The following YPEL2 variants were observed in gnomAD, a reference collection of about 807,000 sequenced individuals.
YPEL2 encodes yippee like 2, also known as protein yippee-like 2.
Under a neutral mutation model 19.1 loss-of-function variants are expected in YPEL2, and 2 were observed. That is an observed-to-expected ratio of 0.10 (90% CI 0.04 to 0.33). The LOEUF (loss-of-function observed/expected upper bound fraction) is 0.33. YPEL2 is among the 10% of genes least tolerant of loss of function. The pLI, the probability that YPEL2 is intolerant of heterozygous loss-of-function variation, is 1.00. For synonymous variants in YPEL2, 52 were observed against 50.0 expected (o/e 1.04, Z -0.17); for missense variants, 66 against 140.7 (o/e 0.47, Z 2.68).
rs559551302 is a variant in YPEL2 at position 59,397,736 on chromosome 17, C to T, written c.*546C>T. The T allele has an allele frequency of 6.6e-6, 1 of 152,386 alleles. No homozygotes were observed. The highest frequency in any genetic ancestry group is 1.5e-5 in the Non-Finnish European group (1 of 68,072). The allele number at this position is 152,386 out of a possible 1,614,324, so 9.4% of individuals were successfully genotyped here. On this transcript the variant is annotated 3_prime_UTR_variant, in exon 5 of 5. Coordinates refer to ENST00000312655, the MANE Select transcript of YPEL2 (RefSeq NM_001005404.4). ...TACCTCATGACTGCATTCTCTCTGA[C>T]TAGAAGCTTCTGTTCCTGACACCAA... is the stretch of plus-strand genomic sequence containing the variant.
intron 2 of YPEL2, among the ~76,000 whole-genome samples, chr17:59,365,915 G>A (rs2047866427): frequency 6.6e-6 from 1 of 152,134 alleles, no homozygotes; most frequent in Non-Finnish European, 1.5e-5. Context: ...CTACAGTGAT[G>A]TCAAGAGGTG....
chr17:59,401,544 T>C lies in YPEL2; in HGVS notation c.*4354T>C, dbSNP rs2048071261. 1 of 152,646 alleles carries C rather than the reference T, an allele frequency of 6.6e-6. No individual in the cohort carries two copies. 9.5% of individuals were successfully genotyped at this position (152,646 alleles called of 1,614,324 possible). The stretch of plus-strand genomic sequence containing the variant: ...ATTTGTTGGGTTTGGGTTTTTGTTT[T>C]CTTTGGTGGCATTTTTCAGGTCACT... On this transcript the variant is annotated 3_prime_UTR_variant, in exon 5 of 5. Transcript: ENST00000312655.
intron 1 of YPEL2, among the ~76,000 whole-genome samples, chr17:59,332,466 C>T (rs1035200192): frequency 3.3e-5 from 5 of 152,182 alleles, no homozygotes. Flanking sequence ...AGGTCCTGCC[C>T]GACGGAACGC....
rs1348037359 is a variant in YPEL2, at chr17:59,398,151, T to G, written c.*961T>G. On this transcript the variant is annotated 3_prime_UTR_variant, in exon 5 of 5. Coordinates refer to ENST00000312655, the MANE Select transcript of YPEL2 (RefSeq NM_001005404.4). ...AGTAGGATCAGTTAGCAATTCTAAC[T>G]GCCCTTCCTTCTGACCCCTCATAAG... The G allele has an allele frequency of 6.6e-6, 1 of 152,212 alleles. No homozygotes were observed. The highest frequency in any genetic ancestry group is 1.5e-5 in the Non-Finnish European group (1 of 68,038). 9.4% of individuals were successfully genotyped at this position (152,212 alleles called of 1,614,324 possible). A position where few individuals can be genotyped will look rare whatever the true frequency, so the allele number is the denominator to read the frequency against.
chr17:59,347,487 G>T (rs1419148468), intron 1 of YPEL2, among the ~76,000 whole-genome samples: 1 of 152,144 alleles, frequency 6.6e-6, no homozygotes, highest in African/African-American at 2.4e-5. Flanking sequence ...GAGTGATGAC[G>T]TGGTCAGATC....
intron 2 of YPEL2, among the ~76,000 whole-genome samples, chr17:59,373,550 G>T (rs2047906743): frequency 6.6e-6 from 1 of 152,186 alleles, no homozygotes; most frequent in Non-Finnish European, 1.5e-5. Context: ...TAGGTGGCTA[G>T]ATGGACTAGC....
At position 59,400,395 on chromosome 17, in the gene YPEL2, A is replaced by C. The variant is rs1264404905; in HGVS notation, c.*3205A>C. ...CTGTTTTCTCAGATCCCCTGAGAGC[A>C]CTTTTTATTTTCCTTTTAAATTCTA... On this transcript the variant is annotated 3_prime_UTR_variant, in exon 5 of 5. Coordinates refer to ENST00000312655, the MANE Select transcript of YPEL2 (RefSeq NM_001005404.4). 1 of 152,372 alleles carries C rather than the reference A, an allele frequency of 6.6e-6. No homozygotes were observed. The highest frequency in any genetic ancestry group is 2.4e-5 in the African/African-American group (1 of 41,410). The allele number at this position is 152,372 out of a possible 1,614,324, so 9.4% of individuals were successfully genotyped here.
chr17:59,387,345 G>C (rs538287982), intron 2 of YPEL2, among the ~76,000 whole-genome samples: 1 of 150,544 alleles, frequency 6.6e-6, no homozygotes, highest in African/African-American at 2.4e-5. Flanking sequence ...TGACAAAAAT[G>C]ATTGTCTCGC....
At chr17:59,386,908 T>C (rs1004027834) in intron 2 of YPEL2, among the ~76,000 whole-genome samples, 11 of 152,100 alleles carry the variant, frequency 7.2e-5, no homozygotes, top group Admixed American at 5.2e-4. Flanking sequence ...GTCTGGTGTA[T>C]TTGAATGTTG....
At chr17:59,361,776 A>T (rs2047842149) in intron 2 of YPEL2, among the ~76,000 whole-genome samples, 1 of 152,206 alleles carries the variant, frequency 6.6e-6, no homozygotes, top group South Asian at 2.1e-4. Context: ...AAAAACACAC[A>T]CACAACCAAA....
chr17:59,395,246 T>A (rs1246052455), intron 4 of YPEL2, among the ~76,000 whole-genome samples: 2 of 151,876 alleles, frequency 1.3e-5, no homozygotes, highest in East Asian at 3.9e-4. Flanking sequence ...GACGGAATAA[T>A]GAAGTGTCAG....
chr17:59,353,122 T>A lies in YPEL2; in HGVS notation c.-195-93T>A. On this transcript the variant is annotated intron_variant, in intron 1 of 4. Transcript: ENST00000312655. The surrounding 1 kb of genome is among the most constrained non-coding windows in gnomAD (Gnocchi z 4.8). ...GTGGGTCATTTGATCCTGTCAGTGT[T>A]GCCTTCTTCATGGGTGGCAGTTGGA... 1 of 276,560 alleles carries A rather than the reference T, an allele frequency of 3.6e-6. No homozygotes were observed. Among genetic ancestry groups the A allele is most frequent in the Admixed American group, 4.8e-5 (1 of 20,698 alleles). 17.1% of individuals were successfully genotyped at this position (276,560 alleles called of 1,614,324 possible).
intron 2 of YPEL2, among the ~76,000 whole-genome samples, chr17:59,379,075 G>A (rs751279165): frequency 3.9e-5 from 6 of 152,134 alleles, no homozygotes; most frequent in African/African-American, 9.7e-5. Context: ...TCTCATTTCC[G>A]TCTGTGTCCT....
In YPEL2 at chr17:59,388,365, C is replaced by T. The variant is rs1278026472; in HGVS notation, c.156C>T (p.Asn52=). The change falls in exon 3 of 5, where the codon AAC becomes AAT. Residue 52 remains asparagine, a synonymous_variant. Transcript: ENST00000312655. The stretch of plus-strand genomic sequence containing the variant: ...GTCAAGGACGAGCATACCTCTTTAA[C>T]TCAGTGTGAGTGCCTCTGAATGGTA... The part of the protein sequence containing the change: ...QGSQGRAYLF[N]SVVNVGCGPA... 6.2e-7 allele frequency: 1 copy of T among 1,614,162 alleles called. No homozygotes were observed.
At chr17:59,357,391 T>TA (rs2047818181) in intron 2 of YPEL2, among the ~76,000 whole-genome samples, 1 of 151,986 alleles carries the variant, frequency 6.6e-6, no homozygotes, top group African/African-American at 2.4e-5. Flanking sequence ...TGTAAAATGG[T>TA]AAAGAGGGTA....
At position 59,378,500 on chromosome 17, in the gene YPEL2, A is replaced by G. The variant is rs368980668; in HGVS notation, c.118-9827A>G. Among the ~76,000 whole-genome samples the G allele has an allele frequency of 5.0e-4, 76 of 152,120 alleles. 1 individual carries two copies. The highest frequency in any genetic ancestry group is 1.7e-3 in the African/African-American group (69 of 41,522). On this transcript the variant is annotated intron_variant, in intron 2 of 4. Coordinates refer to ENST00000312655, the MANE Select transcript of YPEL2 (RefSeq NM_001005404.4). ...GCTGGGATTACAAGTGCACACCACC[A>G]CGCCCAGCTAATTTTGGTAGAGACG...
At chr17:59,332,903 T>C (rs746283009) in intron 1 of YPEL2, among the ~76,000 whole-genome samples, 1 of 152,190 alleles carries the variant, frequency 6.6e-6, no homozygotes, top group Admixed American at 6.5e-5. Context: ...TTGCCTTTGG[T>C]GAATCTGAAG....
At chr17:59,331,913 C>T (rs1280259283) in intron 1 of YPEL2, 89 bp downstream of exon 1, 1 of 151,314 alleles carries the variant, frequency 6.6e-6, no homozygotes, top group Non-Finnish European at 1.5e-5. Flanking sequence ...GCCCCGGCCT[C>T]CGGACTCCCC....
At chr17:59,378,862 G>A (rs549845899) in intron 2 of YPEL2, among the ~76,000 whole-genome samples, 2 of 152,292 alleles carry the variant, frequency 1.3e-5, no homozygotes, top group East Asian at 3.9e-4. Flanking sequence ...CACGGGAGGA[G>A]GGGCCTTAAG....
Sources: gnomAD v4.1 joint callset for allele counts (sites outside exome capture counted in the v4.1 genomes callset) on GRCh38, gnomAD v4.1.1 for gene constraint, Gnocchi (gnomAD v3.1) non-coding constraint, MANE v1.5 for transcripts, NCBI Gene and HGNC (gene_info 2026-07-23, HGNC 2026-07-21) for gene names.